RANBP2: variants seen among roughly 807,000 people sequenced by gnomAD.
RANBP2 encodes the protein RAN binding protein 2, also known as E3 SUMO-protein ligase RanBP2.
A neutral mutation model predicts 303.6 loss-of-function variants in RANBP2; 57 were observed. The observed-to-expected ratio is 0.19, with a 90% CI of 0.15 to 0.23. The LOEUF (loss-of-function observed/expected upper bound fraction) is 0.23, where lower values mean the gene tolerates loss of function less well. RANBP2 is among the 10% of genes least tolerant of loss of function. The pLI, the probability that RANBP2 is intolerant of heterozygous loss-of-function variation, is 1.00. For synonymous variants in RANBP2, 1,167 were observed against 1,301.5 expected (o/e 0.90, Z 2.23); for missense variants, 3,138 against 3,780.8 (o/e 0.83, Z 4.46).
chr2:108,936,389 C>T, the RANBP2 span, among the ~76,000 whole-genome samples: 3 of 152,234 alleles, frequency 2.0e-5, no homozygotes, highest in African/African-American at 7.2e-5. Flanking sequence ...GTGGCTGGCC[C>T]ACTCAGCTCC....
At chr2:109,000,823 A>G in the RANBP2 span, among the ~76,000 whole-genome samples, 5 of 152,094 alleles carry the variant, frequency 3.3e-5, no homozygotes, top group African/African-American at 1.2e-4. Context: ...TCATTGAGAA[A>G]ACGGAGGCAC....
chr2:109,528,500 G>A, the RANBP2 span, among the ~76,000 whole-genome samples: 2 of 152,338 alleles, frequency 1.3e-5, no homozygotes, highest in East Asian at 3.9e-4. Flanking sequence ...GCCCGCCACA[G>A]CCAGTCCCAG....
At chr2:109,550,475 G>T in the RANBP2 span, among the ~76,000 whole-genome samples, 1 of 151,578 alleles carries the variant, frequency 6.6e-6, no homozygotes, top group Non-Finnish European at 1.5e-5. Flanking sequence ...CACCATGCCT[G>T]GCTAATTTTT....
intron 17 of RANBP2, among the ~76,000 whole-genome samples, chr2:108,755,552 C>T (rs1676243643): frequency 6.6e-6 from 1 of 151,968 alleles, no homozygotes; most frequent in Non-Finnish European, 1.5e-5. Flanking sequence ...CGCCACCAGG[C>T]CCAGCTAATT....
chr2:109,306,997 A>G, the RANBP2 span, among the ~76,000 whole-genome samples: 1 of 152,238 alleles, frequency 6.6e-6, no homozygotes, highest in East Asian at 1.9e-4. Flanking sequence ...CACAGGTAAC[A>G]TAATTGAGGG....
chr2:109,322,952 A>C, the RANBP2 span, among the ~76,000 whole-genome samples: 3 of 152,188 alleles, frequency 2.0e-5, no homozygotes, highest in Middle Eastern at 3.2e-3. Flanking sequence ...GAGAGTGGGC[A>C]GGCAATATAA....
At chr2:109,405,916 G>A in the RANBP2 span, among the ~76,000 whole-genome samples, 1 of 152,240 alleles carries the variant, frequency 6.6e-6, no homozygotes, top group African/African-American at 2.4e-5. Context: ...AGACAGCACC[G>A]GCAGCATTCC....
the RANBP2 span, among the ~76,000 whole-genome samples, chr2:109,721,028 C>T: frequency 6.6e-6 from 1 of 152,160 alleles, no homozygotes. Context: ...TGCAGCATCA[C>T]TAAGATCACA....
At chr2:109,422,999 C>T in the RANBP2 span, among the ~76,000 whole-genome samples, 11 of 152,126 alleles carry the variant, frequency 7.2e-5, no homozygotes, top group African/African-American at 1.7e-4. Context: ...CTGAGAGCAA[C>T]GGAACTCTTG....
the RANBP2 span, among the ~76,000 whole-genome samples, chr2:109,438,856 G>A: frequency 6.6e-6 from 1 of 152,140 alleles, no homozygotes; most frequent in Non-Finnish European, 1.5e-5. Flanking sequence ...CAGGACCAGG[G>A]GAGCAAAAGT....
chr2:109,726,867 G>A, the RANBP2 span, among the ~76,000 whole-genome samples: 2 of 152,174 alleles, frequency 1.3e-5, no homozygotes, highest in Non-Finnish European at 2.9e-5. Context: ...ACAGAGGCAG[G>A]GAGGTGCCCT....
the RANBP2 span, among the ~76,000 whole-genome samples, chr2:109,231,337 A>G: frequency 3.3e-5 from 5 of 152,280 alleles, no homozygotes; most frequent in South Asian, 8.3e-4. Flanking sequence ...GTGTGTTACA[A>G]TAAAAAATAA....
chr2:109,426,746 C>T, the RANBP2 span, among the ~76,000 whole-genome samples: 1 of 152,166 alleles, frequency 6.6e-6, no homozygotes, highest in Non-Finnish European at 1.5e-5. Flanking sequence ...TGTCAAACAG[C>T]ATCAAATGCT....
chr2:108,873,065 T>C, the RANBP2 span, among the ~76,000 whole-genome samples: 1 of 152,184 alleles, frequency 6.6e-6, no homozygotes, highest in Non-Finnish European at 1.5e-5. Flanking sequence ...ATTTGGAGGC[T>C]CTTTGATTTG....
At chr2:108,848,927 A>G in the RANBP2 span, among the ~76,000 whole-genome samples, 1 of 152,222 alleles carries the variant, frequency 6.6e-6, no homozygotes, top group African/African-American at 2.4e-5. Context: ...GATACAGATG[A>G]TAGAATTAGT....
At chr2:109,502,114 C>T in the RANBP2 span, 5 of 167,614 alleles carry the variant, frequency 3.0e-5, no homozygotes, top group Non-Finnish European at 6.6e-5. Flanking sequence ...TCCCGCGGGG[C>T]CCAGGTTGCT....
chr2:109,646,722 T>C, the RANBP2 span, among the ~76,000 whole-genome samples: 4 of 149,734 alleles, frequency 2.7e-5, no homozygotes, highest in African/African-American at 9.9e-5. Flanking sequence ...GCCAGGCTGG[T>C]CTTGAACTCC....
chr2:109,228,301 G>C, the RANBP2 span, among the ~76,000 whole-genome samples: 2 of 152,184 alleles, frequency 1.3e-5, no homozygotes, highest in African/African-American at 4.8e-5. Flanking sequence ...TTAATGAGCA[G>C]GTGCAATAAA....
the RANBP2 span, among the ~76,000 whole-genome samples, chr2:109,348,516 G>A: frequency 6.6e-6 from 1 of 152,238 alleles, no homozygotes; most frequent in Non-Finnish European, 1.5e-5. Flanking sequence ...GTGAAATTGA[G>A]TAGGAGGGTT....
Sources: allele counts gnomAD v4.1 joint callset (sites outside exome capture counted in the v4.1 genomes callset), GRCh38; gene constraint gnomAD v4.1.1; transcripts MANE v1.5; gene names NCBI Gene and HGNC (gene_info 2026-07-23, HGNC 2026-07-21).